DPYSL3: variants seen among roughly 807,000 people sequenced by gnomAD.
DPYSL3 encodes dihydropyrimidinase-related protein 3.
A neutral mutation model predicts 66.1 loss-of-function variants in DPYSL3; 16 were observed. The observed-to-expected ratio is 0.24, with a 90% CI of 0.16 to 0.37. DPYSL3 has a LOEUF of 0.37. Among genes scored for constraint, DPYSL3 ranks in the 10% least tolerant of loss-of-function variants. DPYSL3 has a pLI of 1.00. For synonymous variants in DPYSL3, 338 were observed against 345.1 expected (o/e 0.98, Z 0.23); for missense variants, 738 against 916.2 (o/e 0.81, Z 2.51).
intron 1 of DPYSL3, among the ~76,000 whole-genome samples, chr5:147,462,667 A>T (rs1752950516): frequency 6.6e-6 from 1 of 152,166 alleles, no homozygotes; most frequent in African/African-American, 2.4e-5. Context: ...TACAACCCAC[A>T]TACAGAGAAG....
chr5:147,478,835 A>G (rs1417602367), intron 1 of DPYSL3, among the ~76,000 whole-genome samples: 2 of 152,120 alleles, frequency 1.3e-5, no homozygotes, highest in Non-Finnish European at 2.9e-5. Context: ...TGTACTGCCT[A>G]TCATACTGTA....
intron 13 of DPYSL3, 105 bp from the exon 14 acceptor site, chr5:147,394,228 A>T: frequency 8.6e-7 from 1 of 1,168,286 alleles, no homozygotes; most frequent in East Asian, 2.4e-5. Context: ...GCAAGATATG[A>T]AGTGCCTTGC....
intron 12 of DPYSL3, 137 bp downstream of exon 12, chr5:147,397,529 T>C (rs1485881132): frequency 2.1e-6 from 2 of 970,158 alleles, no homozygotes; most frequent in African/African-American, 3.3e-5. Context: ...TGTGTAGTTG[T>C]TCTTGGGGAC....
chr5:147,399,032 C>T (rs1554112232), intron 11 of DPYSL3, 50 bp downstream of exon 11: 1 of 1,593,278 alleles, frequency 6.3e-7, no homozygotes, highest in East Asian at 2.2e-5. Flanking sequence ...TGACCAAGTT[C>T]CTTGCATGCA....
At chr5:147,457,413 TA>T (rs1472763424) in intron 1 of DPYSL3, among the ~76,000 whole-genome samples, 43 of 152,316 alleles carry the variant, frequency 2.8e-4, no homozygotes, top group African/African-American at 1.0e-3. Flanking sequence ...GGAGTGAATG[TA>T]AGAATTTTTT....
Position 147,408,653 on chromosome 5 carries a change from G to C in DPYSL3, c.1032+75C>G, listed in dbSNP as rs1751774877. The C allele has an allele frequency of 4.0e-6, 6 of 1,486,606 alleles. No homozygotes were observed. In the East Asian group the frequency reaches 1.1e-4, roughly 28 times the overall value. 92.1% of individuals were successfully genotyped at this position (1,486,606 alleles called of 1,614,324 possible). A position where few individuals can be genotyped will look rare whatever the true frequency, so the allele number is the denominator to read the frequency against. ...AGAAATGTTCCAATACTGCAACCTG[G>C]TACTCACATTCTCGTCGCCTTTTAA... On this transcript the variant is annotated intron_variant, in intron 7 of 13. Transcript: ENST00000343218.
chr5:147,472,195 T>C (rs753403486), intron 1 of DPYSL3, among the ~76,000 whole-genome samples: 2 of 152,138 alleles, frequency 1.3e-5, no homozygotes, highest in Non-Finnish European at 2.9e-5. Flanking sequence ...TCCTAGAAAA[T>C]AGGTTTGGGG....
chr5:147,432,533 A>G (rs1230560748), intron 1 of DPYSL3, among the ~76,000 whole-genome samples: 1 of 152,206 alleles, frequency 6.6e-6, no homozygotes, highest in Non-Finnish European at 1.5e-5. Flanking sequence ...GCTCCCGATA[A>G]TGGTCTGTTA....
chr5:147,417,859 G>A (rs1034502234), intron 3 of DPYSL3, among the ~76,000 whole-genome samples: 9 of 152,280 alleles, frequency 5.9e-5, no homozygotes, highest in Admixed American at 1.3e-4. Context: ...AATGCAAGTG[G>A]AAGTCAAAGA....
chr5:147,473,833 T>A (rs979727220), intron 1 of DPYSL3, among the ~76,000 whole-genome samples: 1 of 152,138 alleles, frequency 6.6e-6, no homozygotes, highest in African/African-American at 2.4e-5. Flanking sequence ...GACTTCCAAT[T>A]TTCTTTTTTA....
intron 1 of DPYSL3, among the ~76,000 whole-genome samples, chr5:147,485,547 A>G (rs1265176434): frequency 1.3e-5 from 2 of 152,204 alleles, no homozygotes; most frequent in Admixed American, 6.5e-5. Flanking sequence ...ATTAAAATGC[A>G]TAGAGTGACT....
At chr5:147,409,329 A>G (rs904463777) in intron 6 of DPYSL3, among the ~76,000 whole-genome samples, 6 of 152,206 alleles carry the variant, frequency 3.9e-5, no homozygotes, top group African/African-American at 1.4e-4. Flanking sequence ...TTTTTGTAGA[A>G]ATGCAGATTT....
intron 13 of DPYSL3, 85 bp from the exon 14 acceptor site, chr5:147,394,208 T>C: frequency 7.2e-7 from 1 of 1,383,162 alleles, no homozygotes; most frequent in Non-Finnish European, 1.0e-6. Flanking sequence ...ACTGGGTTAA[T>C]TTTAAGAGTG....
chr5:147,440,996 G>A (rs1463591312), intron 1 of DPYSL3, among the ~76,000 whole-genome samples: 2 of 152,066 alleles, frequency 1.3e-5, no homozygotes, highest in South Asian at 2.1e-4. Context: ...CTATGATCTC[G>A]GCATGGTAAT....
At chr5:147,481,262 C>T (rs767758272) in intron 1 of DPYSL3, among the ~76,000 whole-genome samples, 2 of 152,174 alleles carry the variant, frequency 1.3e-5, no homozygotes, top group Non-Finnish European at 2.9e-5. Flanking sequence ...TTACTAGAAT[C>T]TACCTACCTC....
intron 1 of DPYSL3, among the ~76,000 whole-genome samples, chr5:147,476,304 T>A (rs1753154138): frequency 6.6e-6 from 1 of 152,210 alleles, no homozygotes; most frequent in South Asian, 2.1e-4. Flanking sequence ...AAATTTCAGT[T>A]ATCCAGGGTC....
chr5:147,495,902 C>A (rs60291144), intron 1 of DPYSL3, among the ~76,000 whole-genome samples: 83,509 of 151,914 alleles, frequency 0.55, 23,729 homozygotes, highest in African/African-American at 0.68. Flanking sequence ...AAACTACTTT[C>A]AAGTTCATAT....
intron 1 of DPYSL3, among the ~76,000 whole-genome samples, chr5:147,445,522 T>A (rs971837883): frequency 6.6e-6 from 1 of 152,214 alleles, no homozygotes; most frequent in African/African-American, 2.4e-5. Flanking sequence ...ACAGAGGGCC[T>A]AATATGTGAC....
intron 1 of DPYSL3, among the ~76,000 whole-genome samples, chr5:147,473,759 A>G (rs962481358): frequency 6.6e-6 from 1 of 152,136 alleles, no homozygotes; most frequent in African/African-American, 2.4e-5. Context: ...TGGTGATTCA[A>G]CTTCTAAGCA....
Sources: gnomAD v4.1 joint callset for allele counts (sites outside exome capture counted in the v4.1 genomes callset) on GRCh38, gnomAD v4.1.1 for gene constraint, MANE v1.5 for transcripts, NCBI Gene and HGNC (gene_info 2026-07-23, HGNC 2026-07-21) for gene names.